Variants in SOBP observed in about 807,000 individuals in gnomAD.
SOBP encodes sine oculis binding protein homolog, also known as sine oculis-binding protein homolog.
SOBP carries 4 observed loss-of-function variants against 53.6 expected under a neutral mutation model. The ratio of observed to expected loss-of-function variants is 0.07; its 90% CI spans 0.04 to 0.17. SOBP has a LOEUF of 0.17. Ranked by LOEUF, SOBP falls within the 10% of genes least tolerant of loss-of-function variation. The probability of loss-of-function intolerance (pLI) is 1.00; values close to 1 mark genes in which losing one functional copy is unlikely to be tolerated. For missense variants in SOBP, 1,088 were observed against 1,204.7 expected (o/e 0.90, Z 1.43); for synonymous variants, 584 against 522.6 (o/e 1.12, Z -1.60).
chr6:107,654,848 A>T (rs1193466751), intron 6 of SOBP, among the ~76,000 whole-genome samples: 2 of 131,752 alleles, frequency 1.5e-5, no homozygotes, highest in African/African-American at 6.6e-5. Flanking sequence ...GGAACAGTAG[A>T]AGAATCAAGG....
intron 5 of SOBP, among the ~76,000 whole-genome samples, chr6:107,612,280 G>T (rs1458703456): frequency 1.3e-5 from 2 of 152,154 alleles, no homozygotes; most frequent in Non-Finnish European, 2.9e-5. Flanking sequence ...AGAACTGATA[G>T]CTTCAGGTCA....
chr6:107,569,952 T>C (rs1192491569), intron 4 of SOBP, among the ~76,000 whole-genome samples: 1 of 152,200 alleles, frequency 6.6e-6, no homozygotes, highest in East Asian at 1.9e-4. Flanking sequence ...TCGAACCTCA[T>C]CCTTCTCCCT....
intron 5 of SOBP, among the ~76,000 whole-genome samples, chr6:107,629,599 G>A (rs1300779026): frequency 3.3e-5 from 5 of 152,224 alleles, no homozygotes. Context: ...ATACAAGATG[G>A]AAAGAGTTAT....
chr6:107,627,482 C>G (rs1051205413), intron 5 of SOBP, among the ~76,000 whole-genome samples: 34 of 152,288 alleles, frequency 2.2e-4, no homozygotes, highest in Admixed American at 1.6e-3. Context: ...ATAAGTAGAA[C>G]TTGAGTCATG....
rs1391206742 is a variant in SOBP at position 107,661,116 on chromosome 6, A to G, written c.*2913A>G. Among the ~76,000 whole-genome samples the G allele has an allele frequency of 1.7e-4, 26 of 152,322 alleles. No homozygotes were observed. Among genetic ancestry groups the G allele is most frequent in the Non-Finnish European group, 1.0e-4 (7 of 68,014 alleles). On this transcript the variant is annotated 3_prime_UTR_variant, in exon 7 of 7. Coordinates refer to ENST00000317357, the MANE Select transcript of SOBP (RefSeq NM_018013.4). ...TGATTTTGCTTTTGTCTGTAGTCCAAGATTGTCAAGCAAACATTTTGACCC... is the reference window on the plus strand; with the variant it reads ...TGATTTTGCTTTTGTCTGTAGTCCAGGATTGTCAAGCAAACATTTTGACCC...
intron 6 of SOBP, among the ~76,000 whole-genome samples, chr6:107,643,384 T>C (rs1298988512): frequency 6.6e-6 from 1 of 152,166 alleles, no homozygotes; most frequent in Non-Finnish European, 1.5e-5. Context: ...TAGATGCTCA[T>C]ACTTTAAATA....
At chr6:107,550,429 G>A (rs911941764) in intron 4 of SOBP, among the ~76,000 whole-genome samples, 2 of 152,146 alleles carry the variant, frequency 1.3e-5, no homozygotes, top group Admixed American at 1.3e-4. Context: ...ATCCACTTAC[G>A]CATTTATTCA....
intron 4 of SOBP, among the ~76,000 whole-genome samples, chr6:107,559,103 G>A (rs1350499965): frequency 2.0e-5 from 3 of 151,894 alleles, no homozygotes; most frequent in Non-Finnish European, 4.4e-5. Context: ...AACTATTTCT[G>A]AACCAAATGA....
At chr6:107,601,869 G>A (rs1786189614) in intron 5 of SOBP, among the ~76,000 whole-genome samples, 1 of 152,234 alleles carries the variant, frequency 6.6e-6, no homozygotes, top group African/African-American at 2.4e-5. Flanking sequence ...TTATTAAAGA[G>A]AAGCAAAGAC....
At chr6:107,534,062 C>T (rs948591449) in intron 4 of SOBP, among the ~76,000 whole-genome samples, 1 of 152,154 alleles carries the variant, frequency 6.6e-6, no homozygotes, top group Non-Finnish European at 1.5e-5. Context: ...ATCTGGCCCA[C>T]GAGTTCTTGT....
At chr6:107,616,088 G>GC (rs1786780056) in intron 5 of SOBP, among the ~76,000 whole-genome samples, 2 of 129,172 alleles carry the variant, frequency 1.5e-5, no homozygotes, top group African/African-American at 5.8e-5. Flanking sequence ...GGGGGGTGGG[G>GC]GGGGGGCGGG....
intron 4 of SOBP, among the ~76,000 whole-genome samples, chr6:107,578,360 A>G (rs140474525): frequency 6.6e-4 from 100 of 152,264 alleles, no homozygotes; most frequent in African/African-American, 2.4e-3. Flanking sequence ...CCTTAATAAC[A>G]TGTTTTTAAA....
At chr6:107,505,691 C>G (rs938236667) in intron 2 of SOBP, among the ~76,000 whole-genome samples, 2 of 152,108 alleles carry the variant, frequency 1.3e-5, no homozygotes, top group Non-Finnish European at 2.9e-5. Flanking sequence ...TGCTCTGTCA[C>G]CCAGGCTGGA....
intron 5 of SOBP, among the ~76,000 whole-genome samples, chr6:107,603,588 G>C (rs553804455): frequency 6.6e-6 from 1 of 152,202 alleles, no homozygotes; most frequent in African/African-American, 2.4e-5. Flanking sequence ...GTGGAAAACT[G>C]TCTCAAAAGC....
In SOBP at chr6:107,490,539, ACCGCCG is replaced by A; in HGVS notation, c.-66_-61del. Reference sequence around the variant, plus strand: ...CCTCGCCACCATCAGCACCACCTCCACCGCCGCCGCCGCCGCCACCACCACCGCCGG... The same window carrying A: ...CCTCGCCACCATCAGCACCACCTCCACCGCCGCCGCCACCACCACCGCCGG... On this transcript the variant is annotated 5_prime_UTR_variant, in exon 1 of 7. Transcript: ENST00000317357. The A allele has an allele frequency of 6.7e-6, 7 of 1,046,662 alleles. No homozygotes were observed. The highest frequency in any genetic ancestry group is 2.7e-5 in the South Asian group (2 of 73,452). The allele number at this position is 1,046,662 out of a possible 1,614,324, so 64.8% of individuals were successfully genotyped here.
intron 5 of SOBP, among the ~76,000 whole-genome samples, chr6:107,602,984 AC>A (rs1439568111): frequency 6.8e-6 from 1 of 146,994 alleles, no homozygotes; most frequent in Admixed American, 6.8e-5. Context: ...AAAAAAAAAA[AC>A]CCTGCTTCCA....
At chr6:107,632,229 T>C (rs956266165) in intron 5 of SOBP, among the ~76,000 whole-genome samples, 4 of 152,150 alleles carry the variant, frequency 2.6e-5, no homozygotes, top group South Asian at 2.1e-4. Flanking sequence ...CAGTGCTTTA[T>C]TGGGGGAGAG....
At chr6:107,579,851 A>G (rs941880219) in intron 4 of SOBP, among the ~76,000 whole-genome samples, 1 of 152,212 alleles carries the variant, frequency 6.6e-6, no homozygotes, top group African/African-American at 2.4e-5. Context: ...GCTGCAGCAA[A>G]TAAGTCCATC....
chr6:107,553,298 T>TTTTTTTTATTTA (rs1554294431), intron 4 of SOBP, among the ~76,000 whole-genome samples: 6 of 139,430 alleles, frequency 4.3e-5, no homozygotes, highest in East Asian at 2.1e-4. Context: ...CTTATTATTA[T>TTTTTTTTATTTA]TTTATTTATT....
Sources: allele counts gnomAD v4.1 joint callset (sites outside exome capture counted in the v4.1 genomes callset), GRCh38; gene constraint gnomAD v4.1.1; transcripts MANE v1.5; gene names NCBI Gene and HGNC (gene_info 2026-07-23, HGNC 2026-07-21).